Variants in CACNB2 observed in about 807,000 individuals in gnomAD.
CACNB2 encodes calcium voltage-gated channel auxiliary subunit beta 2.
CACNB2 carries 42 observed loss-of-function variants against 73.3 expected under a neutral mutation model. That is an observed-to-expected ratio of 0.57 (90% CI 0.45 to 0.74). CACNB2 has a LOEUF of 0.74. Ranked by LOEUF, CACNB2 falls within the 30% of genes least tolerant of loss-of-function variation. The probability of loss-of-function intolerance (pLI) is 0.00; values close to 1 mark genes in which losing one functional copy is unlikely to be tolerated. For synonymous variants in CACNB2, 348 were observed against 310.3 expected (o/e 1.12, Z -1.28); for missense variants, 940 against 853.0 (o/e 1.10, Z -1.27).
At chr10:18,411,759 C>T (rs1025365496) in intron 3 of CACNB2, among the ~76,000 whole-genome samples, 14 of 152,138 alleles carry the variant, frequency 9.2e-5, no homozygotes, top group African/African-American at 3.1e-4. Flanking sequence ...CTGCCTGCCT[C>T]GGCCTCCCAA....
intron 2 of CACNB2, among the ~76,000 whole-genome samples, chr10:18,175,555 G>T (rs1357419864): frequency 1.3e-5 from 2 of 151,990 alleles, no homozygotes; most frequent in Non-Finnish European, 2.9e-5. Context: ...CACACCCACT[G>T]CCAGGGATAC....
chr10:18,140,905 G>A, intron 1 of CACNB2, 49 bp downstream of exon 1: 1 of 1,559,116 alleles, frequency 6.4e-7, no homozygotes, highest in South Asian at 1.2e-5. Flanking sequence ...CGCCGGGCAG[G>A]GCACCGACCT....
At chr10:18,169,738 A>T (rs2131142626) in intron 2 of CACNB2, among the ~76,000 whole-genome samples, 1 of 152,174 alleles carries the variant, frequency 6.6e-6, no homozygotes, top group Admixed American at 6.5e-5. Context: ...CAATCTTCCC[A>T]CTTTTTCACA....
intron 2 of CACNB2, among the ~76,000 whole-genome samples, chr10:18,375,166 C>G (rs1171072891): frequency 6.6e-6 from 1 of 152,098 alleles, no homozygotes; most frequent in African/African-American, 2.4e-5. Flanking sequence ...GAGCCATGAT[C>G]ATACCACTGC....
chr10:18,179,953 AG>A (rs1259778013), intron 2 of CACNB2, among the ~76,000 whole-genome samples: 1 of 152,178 alleles, frequency 6.6e-6, no homozygotes, highest in African/African-American at 2.4e-5. Context: ...GCTTGCAAAA[AG>A]GACGTGTCCT....
chr10:18,424,401 G>A (rs2045488673), intron 3 of CACNB2, among the ~76,000 whole-genome samples: 1 of 152,066 alleles, frequency 6.6e-6, no homozygotes, highest in African/African-American at 2.4e-5. Flanking sequence ...GGGAGAAGTA[G>A]TAATCATTGG....
intron 2 of CACNB2, chr10:18,341,085 C>T: frequency 8.9e-7 from 1 of 1,123,256 alleles, no homozygotes; most frequent in Non-Finnish European, 1.4e-6. Flanking sequence ...AGTTACTTAA[C>T]TTTTTAGACT....
At chr10:18,237,214 G>C (rs1471171158) in intron 2 of CACNB2, among the ~76,000 whole-genome samples, 1 of 152,196 alleles carries the variant, frequency 6.6e-6, no homozygotes, top group Non-Finnish European at 1.5e-5. Context: ...CAGAAAGTAT[G>C]TTGAGGTCAT....
At chr10:18,260,612 C>T (rs2037493223) in intron 2 of CACNB2, 7 of 987,160 alleles carry the variant, frequency 7.1e-6, no homozygotes, top group Non-Finnish European at 8.4e-6. Context: ...GAATTCGAGT[C>T]TAGACTCAGT....
At chr10:18,284,076 T>A (rs1057286527) in intron 2 of CACNB2, among the ~76,000 whole-genome samples, 6 of 151,666 alleles carry the variant, frequency 4.0e-5, no homozygotes, top group African/African-American at 1.2e-4. Flanking sequence ...AAAATAAAAA[T>A]AAAAAAATAA....
At chr10:18,370,012 T>C (rs1053719262) in intron 2 of CACNB2, among the ~76,000 whole-genome samples, 2 of 152,238 alleles carry the variant, frequency 1.3e-5, no homozygotes, top group Non-Finnish European at 2.9e-5. Context: ...CTGGAAGTCT[T>C]TTGTCCTGCT....
chr10:18,192,692 T>C (rs2034456374), intron 2 of CACNB2, among the ~76,000 whole-genome samples: 2 of 152,220 alleles, frequency 1.3e-5, no homozygotes, highest in Non-Finnish European at 2.9e-5. Context: ...GTTCTGTCTC[T>C]ATGGATTTAT....
At chr10:18,400,878 A>C (rs2043958721) in intron 2 of CACNB2, 1 of 1,526,566 alleles carries the variant, frequency 6.6e-7, no homozygotes. Flanking sequence ...CCTCTGGGGC[A>C]GGGAGTGAAA....
intron 2 of CACNB2, among the ~76,000 whole-genome samples, chr10:18,382,813 A>T (rs567956433): frequency 1.3e-5 from 2 of 152,048 alleles, no homozygotes; most frequent in Non-Finnish European, 2.9e-5. Flanking sequence ...GGTTGATTCC[A>T]TGTCTCTCCT....
intron 2 of CACNB2, among the ~76,000 whole-genome samples, chr10:18,292,831 G>T (rs2039121709): frequency 6.6e-6 from 1 of 152,080 alleles, no homozygotes. Context: ...CAGGCAAATG[G>T]ATTCCTTTCT....
At chr10:18,395,546 GCA>G (rs2043676119) in intron 2 of CACNB2, among the ~76,000 whole-genome samples, 1 of 152,118 alleles carries the variant, frequency 6.6e-6, no homozygotes, top group Non-Finnish European at 1.5e-5. Context: ...CACAGTTACA[GCA>G]CAGAGTTTCA....
chr10:18,336,758 C>T (rs1445104832), intron 2 of CACNB2, among the ~76,000 whole-genome samples: 2 of 152,182 alleles, frequency 1.3e-5, no homozygotes, highest in Non-Finnish European at 2.9e-5. Context: ...AAGTTAAAGT[C>T]TATCCTCACA....
At chr10:18,348,032 A>G (rs1296552929) in intron 2 of CACNB2, among the ~76,000 whole-genome samples, 3 of 152,224 alleles carry the variant, frequency 2.0e-5, no homozygotes, top group Non-Finnish European at 4.4e-5. Flanking sequence ...AAATATAACA[A>G]TATAGAAAAA....
intron 12 of CACNB2, among the ~76,000 whole-genome samples, chr10:18,537,539 G>C (rs1033192995): frequency 1.3e-5 from 2 of 152,072 alleles, no homozygotes; most frequent in African/African-American, 4.8e-5. Context: ...CACTTTGGGA[G>C]GCCGAGGCGG....
Sources: gnomAD v4.1 joint callset for allele counts (sites outside exome capture counted in the v4.1 genomes callset) on GRCh38, gnomAD v4.1.1 for gene constraint, MANE v1.5 for transcripts, NCBI Gene and HGNC (gene_info 2026-07-23, HGNC 2026-07-21) for gene names.